ZNF207: variants seen among roughly 807,000 people sequenced by gnomAD.
ZNF207 encodes the protein zinc finger protein 207.
ZNF207 carries 24 observed loss-of-function variants against 60.2 expected under a neutral mutation model. The ratio of observed to expected loss-of-function variants is 0.40; its 90% CI spans 0.29 to 0.56. The LOEUF (loss-of-function observed/expected upper bound fraction) is 0.56. Ranked by LOEUF, ZNF207 falls within the 20% of genes least tolerant of loss-of-function variation. ZNF207 has a pLI of 0.49. For synonymous variants in ZNF207, 236 were observed against 194.7 expected (o/e 1.21, Z -1.77); for missense variants, 452 against 636.6 (o/e 0.71, Z 3.12).
Position 32,378,684 on chromosome 17 carries a change from T to C in ZNF207, c.*8925T>C, listed in dbSNP as rs1905767548. 1 of 152,052 alleles carries C rather than the reference T, an allele frequency of 6.6e-6. No homozygotes were observed. Among genetic ancestry groups the C allele is most frequent in the Non-Finnish European group, 1.5e-5 (1 of 67,908 alleles). 9.4% of individuals were successfully genotyped at this position (152,052 alleles called of 1,614,324 possible). On this transcript the variant is annotated 3_prime_UTR_variant, in exon 12 of 12. Coordinates refer to ENST00000394670, the MANE Select transcript of ZNF207 (RefSeq NM_001098507.2). Reference sequence around the variant, plus strand: ...GACATAATGGGTTGTGGAAAATGTGTTTTAACATTTTTATTTTTTTTTTAT... The same window carrying C: ...GACATAATGGGTTGTGGAAAATGTGCTTTAACATTTTTATTTTTTTTTTAT...
At chr17:32,355,534 A>G (rs1260594369) in intron 2 of ZNF207, among the ~76,000 whole-genome samples, 2 of 152,232 alleles carry the variant, frequency 1.3e-5, no homozygotes, top group Non-Finnish European at 2.9e-5. Context: ...AGGTTACCGA[A>G]GCAGTTTGAT....
chr17:32,350,367 C>T lies in ZNF207; in HGVS notation c.41+41C>T, dbSNP rs192426798. On this transcript the variant is annotated intron_variant, in intron 1 of 11. Coordinates refer to ENST00000394670, the MANE Select transcript of ZNF207 (RefSeq NM_001098507.2). Reference sequence around the variant, plus strand: ...TTGAAGTCGAGGTCGCGTTGGGGTGCCGGTTGTTGGGGCCTGGGACTAGGA... The same window carrying T: ...TTGAAGTCGAGGTCGCGTTGGGGTGTCGGTTGTTGGGGCCTGGGACTAGGA... The T allele has an allele frequency of 1.6e-3, 2,631 of 1,613,210 alleles. 6 individuals carry two copies. The highest frequency in any genetic ancestry group is 5.2e-3 in the Admixed American group (311 of 59,988).
In ZNF207 at chr17:32,365,224, C is replaced by T. The variant is rs988348927; in HGVS notation, c.671-106C>T. 9 of 1,225,188 alleles carry T rather than the reference C, an allele frequency of 7.3e-6. No homozygotes were observed. The African/African-American group carries it at 7.6e-5, about 10-fold the overall frequency. The allele number at this position is 1,225,188 out of a possible 1,614,324, so 75.9% of individuals were successfully genotyped here. A position where few individuals can be genotyped will look rare whatever the true frequency, so the allele number is the denominator to read the frequency against. On this transcript the variant is annotated intron_variant, in intron 7 of 11. Coordinates refer to ENST00000394670, the MANE Select transcript of ZNF207 (RefSeq NM_001098507.2). ...AATGCCTAAGTTCCTTGGATTTAGT[C>T]GAGTCATTGAGCAGTTAATTGTTAA...
chr17:32,356,907 G>A (rs1452031584), intron 2 of ZNF207, among the ~76,000 whole-genome samples: 2 of 152,190 alleles, frequency 1.3e-5, no homozygotes, highest in African/African-American at 4.8e-5. Flanking sequence ...TCAGGGCTGG[G>A]CATGGTGGCT....
chr17:32,358,046 C>T (rs1427987848), intron 2 of ZNF207, among the ~76,000 whole-genome samples: 3 of 152,192 alleles, frequency 2.0e-5, no homozygotes, highest in Non-Finnish European at 4.4e-5. Flanking sequence ...CTCCCAAGTG[C>T]TGGGATTACA....
At position 32,369,457 on chromosome 17, in the gene ZNF207, ATTCCTCTTTTTATGTTT is replaced by A; in HGVS notation, c.1324+7_1324+23del. 6.2e-7 allele frequency: 1 copy of A among 1,612,710 alleles called. No individual in the cohort carries two copies. The highest frequency in any genetic ancestry group is 1.1e-5 in the South Asian group (1 of 90,842). On this transcript the variant is annotated splice_donor_5th_base_variant and intron_variant, in intron 11 of 11. Coordinates refer to ENST00000394670, the MANE Select transcript of ZNF207 (RefSeq NM_001098507.2). ...GAGACCCCCAATGCCACCTCATGGT[ATTCCTCTTTTTATGTTT>A]TTCATATTTAGTGGATTTTCTAAGT...
At chr17:32,356,262 C>T (rs73272816) in intron 2 of ZNF207, among the ~76,000 whole-genome samples, 1,859 of 152,234 alleles carry the variant, frequency 0.012, 29 homozygotes, top group African/African-American at 0.043. Context: ...ATAATAGATA[C>T]ACCTTTAATT....
Position 32,370,946 on chromosome 17 carries a change from A to G in ZNF207, c.*1187A>G, listed in dbSNP as rs1905438856. On this transcript the variant is annotated 3_prime_UTR_variant, in exon 12 of 12. Transcript: ENST00000394670. ...TATTATGTTCCTGGAAGATTACATT[A>G]TTCATTTGAGTACCTTCTGTTATTA... The G allele has an allele frequency of 6.6e-6, 1 of 152,220 alleles. No homozygotes were observed. The highest frequency in any genetic ancestry group is 1.5e-5 in the Non-Finnish European group (1 of 68,026). 9.4% of individuals were successfully genotyped at this position (152,220 alleles called of 1,614,324 possible). A position where few individuals can be genotyped will look rare whatever the true frequency, so the allele number is the denominator to read the frequency against.
rs1905783744 is a variant in ZNF207 at position 32,379,058 on chromosome 17, A to G, written c.*9299A>G. On this transcript the variant is annotated 3_prime_UTR_variant, in exon 12 of 12. Coordinates refer to ENST00000394670, the MANE Select transcript of ZNF207 (RefSeq NM_001098507.2). ...CATGGATTTATCAACTGATAATAAAATATATCTTACAAGATAACCACTTGT... is the reference window on the plus strand; with the variant it reads ...CATGGATTTATCAACTGATAATAAAGTATATCTTACAAGATAACCACTTGT... 1.3e-5 allele frequency: 2 copies of G among 152,118 alleles called. No homozygotes were observed. The highest frequency in any genetic ancestry group is 1.3e-4 in the Admixed American group (2 of 15,282). 9.4% of individuals were successfully genotyped at this position (152,118 alleles called of 1,614,324 possible).
intron 7 of ZNF207, among the ~76,000 whole-genome samples, chr17:32,363,729 G>A (rs1448864586): frequency 6.6e-6 from 1 of 150,984 alleles, no homozygotes; most frequent in Admixed American, 6.6e-5. Flanking sequence ...ATGGGGTTTC[G>A]CCATGTCGGC....
In ZNF207 at chr17:32,369,356, C is replaced by G; in HGVS notation, c.1226C>G (p.Pro409Arg). The G allele has an allele frequency of 6.2e-7, 1 of 1,614,132 alleles. No individual in the cohort carries two copies. The highest frequency in any genetic ancestry group is 8.5e-7 in the Non-Finnish European group (1 of 1,180,026). ...QRNLPRPGQA[P>R]IGNPPVGPIG... is the part of the protein sequence containing the mutation. Reference sequence around the variant, plus strand: ...AATCTTCCTCGGCCAGGACAGGCCCCCATCGGTAATCCACCAGTTGGACCA... The same window carrying G: ...AATCTTCCTCGGCCAGGACAGGCCCGCATCGGTAATCCACCAGTTGGACCA... Residue 409 changes from proline to arginine, a missense_variant, in exon 11 of 12, where the codon CCC becomes CGC. Transcript: ENST00000394670.
intron 2 of ZNF207, among the ~76,000 whole-genome samples, chr17:32,353,739 C>T (rs987879897): frequency 7.6e-5 from 11 of 144,544 alleles, no homozygotes; most frequent in South Asian, 2.2e-4. Context: ...CACTTGAACC[C>T]GGGAGGCAGA....
chr17:32,362,940 C>T lies in ZNF207; in HGVS notation c.626C>T (p.Pro209Leu). The change falls in exon 7 of 12, where the codon CCA becomes CTA. Residue 209 changes from proline (P) to leucine (L), a missense_variant. Pro to Leu is a moderately conservative substitution (Grantham distance 98). Around this residue, in one of 2 missense-constraint regions of ZNF207, gnomAD observed 390 missense variants for 461.4 expected, o/e 0.85. Transcript: ENST00000394670. ...NIMMPMGGMM[P>L]PGPGIPPLMP... ...ATGATGCCAATGGGTGGAATGATGCCACCTGGACCAGGAATACCACCTCTG... is the reference window on the plus strand; with the variant it reads ...ATGATGCCAATGGGTGGAATGATGCTACCTGGACCAGGAATACCACCTCTG... 1 of 1,613,280 alleles carries T rather than the reference C, an allele frequency of 6.2e-7. No homozygotes were observed. The highest frequency in any genetic ancestry group is 8.5e-7 in the Non-Finnish European group (1 of 1,179,940).
At position 32,376,043 on chromosome 17, in the gene ZNF207, A is replaced by G. The variant is rs555954413; in HGVS notation, c.*6284A>G. 6.6e-6 allele frequency: 1 copy of G among 152,134 alleles called. No individual in the cohort carries two copies. Among genetic ancestry groups the G allele is most frequent in the East Asian group, 1.9e-4 (1 of 5,190 alleles). The allele number at this position is 152,134 out of a possible 1,614,324, so 9.4% of individuals were successfully genotyped here. A position where few individuals can be genotyped will look rare whatever the true frequency, so the allele number is the denominator to read the frequency against. On this transcript the variant is annotated 3_prime_UTR_variant, in exon 12 of 12. Transcript: ENST00000394670. ...AGAAATCATCTGACTTTTCTGTGTG[A>G]TGTTTCTTGGCAAAATAAGCACTTG... is the stretch of plus-strand genomic sequence containing the variant.
Position 32,376,295 on chromosome 17 carries a change from G to T in ZNF207, c.*6536G>T, listed in dbSNP as rs1905672632. 1 of 151,414 alleles carries T rather than the reference G, an allele frequency of 6.6e-6. No individual in the cohort carries two copies. The highest frequency in any genetic ancestry group is 1.5e-5 in the Non-Finnish European group (1 of 67,774). 9.4% of individuals were successfully genotyped at this position (151,414 alleles called of 1,614,324 possible). On this transcript the variant is annotated 3_prime_UTR_variant, in exon 12 of 12. Transcript: ENST00000394670. ...ACATCTATCTTTATTTTTTTACCTG[G>T]CATTTTTGTTAGAAAATAGATTACG...
In ZNF207 at chr17:32,357,318, A is replaced by C. The variant is rs974944573; in HGVS notation, c.169-1185A>C. Among the ~76,000 whole-genome samples the C allele has an allele frequency of 6.1e-3, 356 of 58,382 alleles. 5 individuals are homozygous for C. The highest frequency in any genetic ancestry group is 0.037 in the African/African-American group (342 of 9,304). The allele number at this position is 58,382 out of a possible 152,430, so 38.3% of individuals were successfully genotyped here. ...TAGAAAATTTGCTATTCTAATTATTATTATTATTATTATTATTATTATTAT... is the reference window on the plus strand; with the variant it reads ...TAGAAAATTTGCTATTCTAATTATTCTTATTATTATTATTATTATTATTAT... On this transcript the variant is annotated intron_variant, in intron 2 of 11. Transcript: ENST00000394670.
intron 2 of ZNF207, among the ~76,000 whole-genome samples, chr17:32,356,202 G>A (rs1293992690): frequency 6.6e-6 from 1 of 152,110 alleles, no homozygotes; most frequent in Non-Finnish European, 1.5e-5. Flanking sequence ...CAACCAAGAC[G>A]CTATGACTTT....
Position 32,366,720 on chromosome 17 carries a change from C to G in ZNF207, c.884C>G (p.Ser295Cys). ...GCTTCATCCAATTCAGAAAGTCTGT[C>G]TGCATCTTCTAAAGCTCTGTTTCCT... ...STASSNSESL[S>C]ASSKALFPST... Residue 295 changes from serine (S) to cysteine (C), a missense_variant, in exon 9 of 12, where the codon TCT (serine) becomes TGT (cysteine). Around this residue, in one of 2 missense-constraint regions of ZNF207, gnomAD observed 390 missense variants for 461.4 expected, o/e 0.85. Transcript: ENST00000394670. 6.2e-6 allele frequency: 10 copies of G among 1,611,810 alleles called. No individual in the cohort carries two copies. Among genetic ancestry groups the G allele is most frequent in the Non-Finnish European group, 8.5e-6 (10 of 1,179,240 alleles).
intron 8 of ZNF207, among the ~76,000 whole-genome samples, chr17:32,366,329 T>TAGAGAATCATTGATAC (rs1905160635): frequency 6.6e-6 from 1 of 152,238 alleles, no homozygotes; most frequent in Non-Finnish European, 1.5e-5. Flanking sequence ...AAATCTTTTG[T>TAGAGAATCATTGATAC]AGAGAATCAT....
Sources: gnomAD v4.1 joint callset for allele counts (sites outside exome capture counted in the v4.1 genomes callset) on GRCh38, gnomAD v4.1.1 for gene constraint, gnomAD v4.1.1 regional missense constraint, MANE v1.5 for transcripts, NCBI Gene and HGNC (gene_info 2026-07-23, HGNC 2026-07-21) for gene names.